The following GABRB3 variants were observed in gnomAD, a reference collection of about 807,000 sequenced individuals.
GABRB3 encodes the protein gamma-aminobutyric acid type A receptor subunit beta3.
Under a neutral mutation model 52.1 loss-of-function variants are expected in GABRB3, and 14 were observed. The ratio of observed to expected loss-of-function variants is 0.27; its 90% confidence interval spans 0.18 to 0.42. GABRB3 has a LOEUF of 0.42. Ranked by LOEUF, GABRB3 falls within the 10% of genes least tolerant of loss-of-function variation. The pLI is 1.00. For missense variants in GABRB3, 307 were observed against 609.1 expected, an observed-to-expected ratio of 0.50 and a Z score of 5.22; for synonymous variants, 260 against 232.3, an observed-to-expected ratio of 1.12 and a Z score of -1.08.
intron 4 of GABRB3, among the ~76,000 whole-genome samples, chr15:26,617,862 A>G (rs1892320562): frequency 6.6e-5 from 10 of 151,660 alleles, no homozygotes; most frequent in Admixed American, 5.9e-4. Context: ...GCATTCTTAT[A>G]CACCAATAAC....
chr15:26,758,088 G>GAA (rs139302744), intron 3 of GABRB3, among the ~76,000 whole-genome samples: 23 of 141,796 alleles, frequency 1.6e-4, no homozygotes, highest in Middle Eastern at 3.7e-3. Flanking sequence ...TAGCCATACA[G>GAA]AAAAAAAAAA....
chr15:26,707,055 G>A (rs989551172), intron 3 of GABRB3, among the ~76,000 whole-genome samples: 6 of 152,186 alleles, frequency 3.9e-5, no homozygotes, highest in South Asian at 2.1e-4. Flanking sequence ...CACAATCAAC[G>A]GGAAAGAATC....
intron 4 of GABRB3, among the ~76,000 whole-genome samples, chr15:26,609,103 TACACACACACACA>T (rs1891959037): frequency 2.9e-4 from 41 of 143,280 alleles, no homozygotes; most frequent in Admixed American, 2.8e-3. Flanking sequence ...CACACACACA[TACACACACACACA>T]CACACACACA....
chr15:26,654,761 A>G (rs185367722), intron 3 of GABRB3, among the ~76,000 whole-genome samples: 1 of 152,118 alleles, frequency 6.6e-6, no homozygotes, highest in African/African-American at 2.4e-5. Flanking sequence ...ACCTTGTCTC[A>G]AAAAAAGGGG....
chr15:26,609,928 C>A (rs1168187163), intron 4 of GABRB3, among the ~76,000 whole-genome samples: 1 of 152,064 alleles, frequency 6.6e-6, no homozygotes, highest in Non-Finnish European at 1.5e-5. Context: ...AGAAATTGAC[C>A]CTCCCCATCT....
Position 26,749,784 on chromosome 15 carries a change from T to A in GABRB3, c.240+22618A>T, listed in dbSNP as rs144790993. On this transcript the variant is annotated intron_variant, in intron 3 of 8. Transcript: ENST00000311550. ...TGGTGTTTGTTTGTTTGTGTGTCTGTCTGCTTGTCAGCAGTGTCAGGTTGC... is the reference window on the plus strand; with the variant it reads ...TGGTGTTTGTTTGTTTGTGTGTCTGACTGCTTGTCAGCAGTGTCAGGTTGC... Among the ~76,000 whole-genome samples, 268 of 152,346 alleles carry A rather than the reference T, an allele frequency of 1.8e-3. 1 individual carries two copies. The highest frequency in any genetic ancestry group is 6.0e-3 in the African/African-American group (251 of 41,580).
intron 3 of GABRB3, among the ~76,000 whole-genome samples, chr15:26,685,966 A>T (rs887233024): frequency 3.9e-5 from 6 of 152,062 alleles, no homozygotes; most frequent in Non-Finnish European, 7.4e-5. Context: ...CACCATGCCC[A>T]GCTAATTTTT....
intron 3 of GABRB3, among the ~76,000 whole-genome samples, chr15:26,749,217 C>G (rs2140169589): frequency 6.6e-6 from 1 of 151,984 alleles, no homozygotes; most frequent in South Asian, 2.1e-4. Flanking sequence ...TGATATGCTG[C>G]ATTTTCATTT....
intron 3 of GABRB3, among the ~76,000 whole-genome samples, chr15:26,755,916 C>G (rs1266006366): frequency 6.6e-6 from 1 of 152,060 alleles, no homozygotes; most frequent in Non-Finnish European, 1.5e-5. Flanking sequence ...CAATAGAAAA[C>G]TACTAAGTAA....
At chr15:26,648,792 G>A (rs1409994131) in intron 3 of GABRB3, among the ~76,000 whole-genome samples, 1 of 152,204 alleles carries the variant, frequency 6.6e-6, no homozygotes, top group East Asian at 1.9e-4. Flanking sequence ...GGAGACCATG[G>A]TTCCTCTCTG....
intron 3 of GABRB3, among the ~76,000 whole-genome samples, chr15:26,642,696 T>C (rs1048084727): frequency 6.6e-6 from 1 of 151,468 alleles, no homozygotes; most frequent in African/African-American, 2.4e-5. Flanking sequence ...AATAGATAGC[T>C]GCACTGATAC....
chr15:26,568,718 T>C (rs947726434), intron 6 of GABRB3, among the ~76,000 whole-genome samples: 2 of 143,842 alleles, frequency 1.4e-5, no homozygotes, highest in African/African-American at 5.0e-5. Flanking sequence ...GGTTTCACCA[T>C]ATTGGCCAGA....
intron 3 of GABRB3, among the ~76,000 whole-genome samples, chr15:26,752,239 T>TTATG (rs1246198804): frequency 1.4e-4 from 20 of 143,934 alleles, no homozygotes; most frequent in Middle Eastern, 3.5e-3. Flanking sequence ...TTTTATTTAT[T>TTATG]TATTTATTTA....
At position 26,547,769 on chromosome 15, in the gene GABRB3, CTT is replaced by C; in HGVS notation, c.*22_*23del. Reference sequence around the variant, plus strand: ...TATTTCACTCAGTGTTAAATGAAGTCTTTGAAAAATCAAGTACAGTCACTCAG... The same window carrying C: ...TATTTCACTCAGTGTTAAATGAAGTCTGAAAAATCAAGTACAGTCACTCAG... On this transcript the variant is annotated 3_prime_UTR_variant, in exon 9 of 9. Coordinates refer to ENST00000311550, the MANE Select transcript of GABRB3 (RefSeq NM_000814.6). 1.3e-6 allele frequency: 2 copies of C among 1,593,744 alleles called. No homozygotes were observed. The highest frequency in any genetic ancestry group is 1.7e-6 in the Non-Finnish European group (2 of 1,161,974).
intron 4 of GABRB3, among the ~76,000 whole-genome samples, chr15:26,617,762 A>G (rs1250168108): frequency 6.6e-6 from 1 of 152,104 alleles, no homozygotes; most frequent in African/African-American, 2.4e-5. Context: ...ATATCTAGAA[A>G]ACCCCACTGT....
At chr15:26,672,125 C>A (rs1851256777) in intron 3 of GABRB3, among the ~76,000 whole-genome samples, 1 of 151,996 alleles carries the variant, frequency 6.6e-6, no homozygotes, top group African/African-American at 2.4e-5. Flanking sequence ...TAGAACTTTA[C>A]AAACTGTTGG....
chr15:26,569,680 C>T (rs954493702), intron 6 of GABRB3, among the ~76,000 whole-genome samples: 1 of 152,178 alleles, frequency 6.6e-6, no homozygotes, highest in Admixed American at 6.5e-5. Context: ...AAGGTTAAAG[C>T]TTTTGATAAA....
chr15:26,586,397 A>AACACACACAC (rs56386894), intron 4 of GABRB3, among the ~76,000 whole-genome samples: 31,302 of 137,926 alleles, frequency 0.23, 4,201 homozygotes, highest in Middle Eastern at 0.33. Flanking sequence ...AACCACCCCT[A>AACACACACAC]ACACACACAC....
chr15:26,554,596 A>G (rs1048018889), intron 8 of GABRB3, among the ~76,000 whole-genome samples: 1 of 152,156 alleles, frequency 6.6e-6, no homozygotes, highest in African/African-American at 2.4e-5. Context: ...TGGAAAAAAC[A>G]TACCTCTCCA....
Sources: gnomAD v4.1 joint callset for allele counts (sites outside exome capture counted in the v4.1 genomes callset) on GRCh38, gnomAD v4.1.1 for gene constraint, MANE v1.5 for transcripts, NCBI Gene and HGNC (gene_info 2026-07-23, HGNC 2026-07-21) for gene names.